Variants in TRMT11 observed in about 807,000 individuals in gnomAD.
TRMT11 encodes the protein tRNA (guanine(10)-N(2))-methyltransferase TRMT11.
TRMT11 carries 53 observed loss-of-function variants against 62.8 expected under a neutral mutation model. The ratio of observed to expected loss-of-function variants is 0.84; its 90% CI spans 0.68 to 1.06. The LOEUF (loss-of-function observed/expected upper bound fraction) is 1.06, where lower values mean the gene tolerates loss of function less well. TRMT11 is among the 50% of genes least tolerant of loss of function. The pLI, the probability that TRMT11 is intolerant of heterozygous loss-of-function variation, is 0.00. For synonymous variants in TRMT11, 188 were observed against 190.3 expected, an observed-to-expected ratio of 0.99 and a Z score of 0.10; for missense variants, 556 against 553.4, an observed-to-expected ratio of 1.00 and a Z score of -0.05.
At chr6:126,224,162 T>C in the TRMT11 span, among the ~76,000 whole-genome samples, 32 of 152,228 alleles carry the variant, frequency 2.1e-4, no homozygotes, top group Non-Finnish European at 3.8e-4. Context: ...CATTTCAGCC[T>C]GGTTAAGAAC....
chr6:126,029,968 G>C (rs1201037059), intron 12 of TRMT11, among the ~76,000 whole-genome samples: 1 of 152,044 alleles, frequency 6.6e-6, no homozygotes, highest in East Asian at 1.9e-4. Flanking sequence ...GAGCACTCTA[G>C]ATATGAAGAT....
chr6:126,199,623 A>G (rs1778712066), intron 2 of TRMT11: 1 of 152,252 alleles, frequency 6.6e-6, no homozygotes. Context: ...TGTCACTTGT[A>G]TATATTTGGT....
chr6:126,252,893 A>T, the TRMT11 span, among the ~76,000 whole-genome samples: 3 of 152,262 alleles, frequency 2.0e-5, no homozygotes, highest in South Asian at 6.2e-4. Flanking sequence ...CAGGAAGTAG[A>T]GGAGGAGACA....
intron 1 of TRMT11, chr6:126,177,391 T>G (rs1778398820): frequency 6.6e-6 from 1 of 152,184 alleles, no homozygotes; most frequent in Non-Finnish European, 1.5e-5. Flanking sequence ...AAAACAGCAG[T>G]ACTCTACTTC....
chr6:126,214,961 T>C, the TRMT11 span, among the ~76,000 whole-genome samples: 4 of 151,944 alleles, frequency 2.6e-5, no homozygotes, highest in Non-Finnish European at 5.9e-5. Flanking sequence ...AATTTCTCAA[T>C]TTTCTTCTTA....
intron 16 of TRMT11, among the ~76,000 whole-genome samples, chr6:126,050,983 G>T (rs1776200139): frequency 6.6e-6 from 1 of 152,208 alleles, no homozygotes; most frequent in African/African-American, 2.4e-5. Flanking sequence ...GGCATCAAGT[G>T]CAGTGAGATA....
In TRMT11 at chr6:126,093,627, A is replaced by ATTTTTTTTT. The variant is rs1343339966; in HGVS notation, c.*1438-19238_*1438-19237insTTTTTTTTT. Among the ~76,000 whole-genome samples, 83 of 94,630 alleles carry ATTTTTTTTT rather than the reference A, an allele frequency of 8.8e-4. 6 individuals carry two copies. The highest frequency in any genetic ancestry group is 3.8e-3 in the African/African-American group (81 of 21,144). The allele number at this position is 94,630 out of a possible 152,430, so 62.1% of individuals were successfully genotyped here. Reference sequence around the variant, plus strand: ...TATATATATATATATATATATATATATATATTTTCCCCCAGTCCTGGAGGA... The same window carrying ATTTTTTTTT: ...TATATATATATATATATATATATATATTTTTTTTTTATATTTTCCCCCAGTCCTGGAGGA... On this transcript the variant is annotated intron_variant and NMD_transcript_variant, in intron 17 of 22. Coordinates refer to the TRMT11 transcript ENST00000648977.
chr6:126,220,671 T>C, the TRMT11 span, among the ~76,000 whole-genome samples: 1 of 152,236 alleles, frequency 6.6e-6, no homozygotes, highest in African/African-American at 2.4e-5. Flanking sequence ...ATTACATAAT[T>C]GAACACTTTA....
chr6:126,010,825 C>G (rs934523235), intron 8 of TRMT11, among the ~76,000 whole-genome samples: 1 of 152,130 alleles, frequency 6.6e-6, no homozygotes, highest in Non-Finnish European at 1.5e-5. Context: ...AGCAATGTCT[C>G]CATTTTGCCT....
intron 2 of TRMT11, among the ~76,000 whole-genome samples, chr6:125,994,611 A>G (rs1192986852): frequency 6.6e-6 from 1 of 152,228 alleles, no homozygotes; most frequent in Non-Finnish European, 1.5e-5. Flanking sequence ...AACGGGGTAT[A>G]TACCCAAAGT....
At chr6:126,003,425 A>G (rs1792845749) in intron 7 of TRMT11, among the ~76,000 whole-genome samples, 1 of 152,060 alleles carries the variant, frequency 6.6e-6, no homozygotes, top group Non-Finnish European at 1.5e-5. Flanking sequence ...TGGGTTGAAG[A>G]GTGTATGCAT....
At chr6:125,997,745 G>T (rs928623644) in intron 3 of TRMT11, among the ~76,000 whole-genome samples, 2 of 152,212 alleles carry the variant, frequency 1.3e-5, no homozygotes, top group African/African-American at 4.8e-5. Context: ...CTGGGCTCCA[G>T]TGATCCACCC....
chr6:125,998,647 T>A lies in TRMT11; in HGVS notation c.485T>A (p.Ile162Asn). Residue 162 changes from isoleucine to asparagine, a missense_variant, in exon 6 of 13, where the codon ATC becomes AAC. Physicochemically the swap from Ile to Asn is moderately radical, Grantham distance 149. Transcript: ENST00000334379. ...LEDYGLDPNCIPENPHNIYFG... is the reference protein window; with the variant it reads ...LEDYGLDPNCNPENPHNIYFG... The stretch of plus-strand genomic sequence containing the variant: ...GATTATGGTTTAGACCCAAACTGCA[T>A]CCCTGAGAATCCACATAATATTTAT... 6.2e-7 allele frequency: 1 copy of A among 1,613,298 alleles called. No homozygotes were observed. Among genetic ancestry groups the A allele is most frequent in the Non-Finnish European group, 8.5e-7 (1 of 1,179,616 alleles).
chr6:126,060,544 TG>T (rs1480420056), intron 17 of TRMT11, among the ~76,000 whole-genome samples: 1 of 152,148 alleles, frequency 6.6e-6, no homozygotes, highest in Non-Finnish European at 1.5e-5. Context: ...CATTCACGAA[TG>T]GCTCCATCAC....
At chr6:126,097,138 G>A (rs1008920877) in intron 17 of TRMT11, among the ~76,000 whole-genome samples, 1 of 152,086 alleles carries the variant, frequency 6.6e-6, no homozygotes, top group Middle Eastern at 3.2e-3. Context: ...ATTTGAGGGT[G>A]GTAATATGAA....
intron 17 of TRMT11, among the ~76,000 whole-genome samples, chr6:126,062,757 TA>T (rs1467936346): frequency 2.6e-5 from 4 of 152,222 alleles, no homozygotes; most frequent in Non-Finnish European, 4.4e-5. Flanking sequence ...ATCTTTCCCG[TA>T]AATGTGTTTC....
chr6:126,000,051 TTAATATATCC>T (rs560498725), intron 7 of TRMT11, among the ~76,000 whole-genome samples: 27 of 152,316 alleles, frequency 1.8e-4, no homozygotes, highest in African/African-American at 6.3e-4. Context: ...GAGAAAATAG[TTAATATATCC>T]TATCTTTGAG....
the TRMT11 span, among the ~76,000 whole-genome samples, chr6:126,237,545 G>T: frequency 6.6e-6 from 1 of 152,094 alleles, no homozygotes. Flanking sequence ...GCTGGGCGTG[G>T]TGGCACATGC....
At chr6:126,153,766 A>G (rs74858857) in intron 21 of TRMT11, among the ~76,000 whole-genome samples, 3,401 of 152,308 alleles carry the variant, frequency 0.022, 127 homozygotes, top group African/African-American at 0.077. Flanking sequence ...CACTCACCAC[A>G]TCAGTCTTGT....
Sources: gnomAD v4.1 joint callset for allele counts (sites outside exome capture counted in the v4.1 genomes callset) on GRCh38, gnomAD v4.1.1 for gene constraint, MANE v1.5 for transcripts, NCBI Gene and HGNC (gene_info 2026-07-23, HGNC 2026-07-21) for gene names.